SV2B: variants seen among roughly 807,000 people sequenced by gnomAD.
SV2B encodes synaptic vesicle glycoprotein 2B.
In SV2B, 41 loss-of-function variants were observed where a neutral mutation model predicts 73.9. The observed-to-expected ratio is 0.56, with a 90% CI of 0.43 to 0.72. The LOEUF (loss-of-function observed/expected upper bound fraction) is 0.72. Among genes scored for constraint, SV2B ranks in the 30% least tolerant of loss-of-function variants. The pLI, the probability that SV2B is intolerant of heterozygous loss-of-function variation, is 0.00. For synonymous variants in SV2B, 314 were observed against 314.2 expected, an observed-to-expected ratio of 1.00 and a Z score of 0.01; for missense variants, 764 against 857.8, an observed-to-expected ratio of 0.89 and a Z score of 1.37.
At chr15:91,180,782 T>G (rs1273042446) in intron 1 of SV2B, among the ~76,000 whole-genome samples, 1 of 152,212 alleles carries the variant, frequency 6.6e-6, no homozygotes, top group Non-Finnish European at 1.5e-5. Flanking sequence ...GTGATTCTAG[T>G]TATACATTCA....
In SV2B at chr15:91,280,195, T is replaced by A. The variant is rs2048640824; in HGVS notation, c.1374-1533T>A. ...GGGTCTTTTAGCAGAAGCTAATGAT[T>A]GGCAGCTCTAGATTAAGGTTCTGAG... On this transcript the variant is annotated intron_variant, in intron 9 of 12. Transcript: ENST00000394232. The surrounding 1 kb of genome is among the most constrained non-coding windows in gnomAD (Gnocchi z 5.8). Among the ~76,000 whole-genome samples the A allele has an allele frequency of 6.6e-6, 1 of 152,166 alleles. No homozygotes were observed. Among genetic ancestry groups the A allele is most frequent in the African/African-American group, 2.4e-5 (1 of 41,446 alleles).
At position 91,136,064 on chromosome 15, in the gene SV2B, A is replaced by T. The variant is rs2042814300; in HGVS notation, c.-392+35701A>T. 6.6e-6 allele frequency among the ~76,000 whole-genome samples: 1 copy of T among 152,136 alleles called. No individual in the cohort carries two copies. Among genetic ancestry groups the T allele is most frequent in the East Asian group, 1.9e-4 (1 of 5,202 alleles). ...ATATGAAAATAATATAAAGTTAGAT[A>T]TGAAGATAATATAAACCATAACATT... On this transcript the variant is annotated intron_variant, in intron 1 of 12. Coordinates refer to ENST00000394232, the MANE Select transcript of SV2B (RefSeq NM_001323032.3). This position sits in a 1 kb window ranked among gnomAD's most constrained non-coding sequence, Gnocchi z 5.6.
chr15:91,136,875 T>C lies in SV2B; in HGVS notation c.-392+36512T>C, dbSNP rs1444991924. On this transcript the variant is annotated intron_variant, in intron 1 of 12. Coordinates refer to ENST00000394232, the MANE Select transcript of SV2B (RefSeq NM_001323032.3). This position sits in a 1 kb window ranked among gnomAD's most constrained non-coding sequence, Gnocchi z 5.6. ...GCTTTGGCAGGAGAAGCAAGAGGGC[T>C]CTGGGTAGCCAGCTTATTCCTGCTC... Among the ~76,000 whole-genome samples the C allele has an allele frequency of 6.6e-6, 1 of 152,158 alleles. No individual in the cohort carries two copies. Among genetic ancestry groups the C allele is most frequent in the Non-Finnish European group, 1.5e-5 (1 of 68,030 alleles).
chr15:91,147,060 A>T lies in SV2B; in HGVS notation c.-392+46697A>T, dbSNP rs77479153. Among the ~76,000 whole-genome samples the T allele has an allele frequency of 9.7e-3, 1,484 of 152,338 alleles. 24 individuals are homozygous for T. Among genetic ancestry groups the T allele is most frequent in the African/African-American group, 0.032 (1,349 of 41,568 alleles). On this transcript the variant is annotated intron_variant, in intron 1 of 12. Coordinates refer to ENST00000394232, the MANE Select transcript of SV2B (RefSeq NM_001323032.3). The stretch of plus-strand genomic sequence containing the variant: ...TAGACTAAGATCCTTGAGAGCAGAG[A>T]TGATGTCTTATTTATGTCTCCAGTG...
intron 1 of SV2B, among the ~76,000 whole-genome samples, chr15:91,169,947 T>C (rs2044062291): frequency 2.0e-5 from 3 of 152,164 alleles, no homozygotes. Flanking sequence ...GCAAAAGCAA[T>C]GTTTAAAATT....
chr15:91,247,555 A>G (rs1449759339), intron 2 of SV2B, among the ~76,000 whole-genome samples: 1 of 152,194 alleles, frequency 6.6e-6, no homozygotes, highest in Non-Finnish European at 1.5e-5. Context: ...TAGAATCTTG[A>G]AAAGGGGTTC....
At chr15:91,244,810 T>G (rs913081257) in intron 2 of SV2B, among the ~76,000 whole-genome samples, 9 of 152,250 alleles carry the variant, frequency 5.9e-5, no homozygotes, top group Admixed American at 1.3e-4. Flanking sequence ...CAGGAATTAC[T>G]TTTTAGAGAT....
chr15:91,152,534 A>G (rs543088806), intron 1 of SV2B, among the ~76,000 whole-genome samples: 2 of 152,352 alleles, frequency 1.3e-5, no homozygotes, highest in South Asian at 2.1e-4. Flanking sequence ...GATGCATTAC[A>G]AAGTAAAGCT....
chr15:91,147,011 G>A (rs1018685606), intron 1 of SV2B, among the ~76,000 whole-genome samples: 4 of 152,314 alleles, frequency 2.6e-5, no homozygotes, highest in East Asian at 3.9e-4. Flanking sequence ...GAGCCTACAC[G>A]TTGGCTGTAA....
chr15:91,301,330 T>C lies in SV2B; in HGVS notation c.*8778T>C, dbSNP rs947213875. The C allele has an allele frequency of 1.3e-5, 2 of 152,244 alleles. No individual in the cohort carries two copies. Among genetic ancestry groups the C allele is most frequent in the African/African-American group, 4.8e-5 (2 of 41,468 alleles). The allele number at this position is 152,244 out of a possible 1,614,324, so 9.4% of individuals were successfully genotyped here. A position where few individuals can be genotyped will look rare whatever the true frequency, so the allele number is the denominator to read the frequency against. On this transcript the variant is annotated 3_prime_UTR_variant, in exon 13 of 13. Coordinates refer to ENST00000394232, the MANE Select transcript of SV2B (RefSeq NM_001323032.3). This position sits in a 1 kb window ranked among gnomAD's most constrained non-coding sequence, Gnocchi z 4.3. ...ACCCACTTTTGGTCTCTCTTCATAT[T>C]TTTCGTGGTTTCATTTATCTCTCCC... is the stretch of plus-strand genomic sequence containing the variant.
chr15:91,204,613 G>T, intron 1 of SV2B, among the ~76,000 whole-genome samples: 1 of 141,718 alleles, frequency 7.1e-6, no homozygotes. Context: ...CTAGAGCATA[G>T]TGGCTCGGTC....
At chr15:91,158,701 C>CT (rs1451789525) in intron 1 of SV2B, among the ~76,000 whole-genome samples, 105 of 59,536 alleles carry the variant, frequency 1.8e-3, no homozygotes, top group Non-Finnish European at 1.3e-3. Context: ...CTTCTCTTCT[C>CT]TCCTCTCCTC....
intron 1 of SV2B, among the ~76,000 whole-genome samples, chr15:91,167,660 C>T (rs1460224280): frequency 6.6e-6 from 1 of 152,148 alleles, no homozygotes; most frequent in Non-Finnish European, 1.5e-5. Context: ...GGAAATCTGC[C>T]CATCTCAACA....
At chr15:91,286,424 A>T (rs1196380971) in intron 11 of SV2B, among the ~76,000 whole-genome samples, 2 of 152,072 alleles carry the variant, frequency 1.3e-5, no homozygotes. Context: ...GCTGCTACCC[A>T]CTCATTTATT....
In SV2B at chr15:91,289,474, A is replaced by G. The variant is rs148019874; in HGVS notation, c.1709-47A>G. On this transcript the variant is annotated intron_variant, in intron 11 of 12. Transcript: ENST00000394232. The surrounding 1 kb of genome is among the most constrained non-coding windows in gnomAD (Gnocchi z 4.9). Reference sequence around the variant, plus strand: ...AGAACTGTGAGTGACAGCCATGTGCAAGACACAGGCCTCATGTTTCTTTTT... The same window carrying G: ...AGAACTGTGAGTGACAGCCATGTGCGAGACACAGGCCTCATGTTTCTTTTT... 6.2e-7 allele frequency: 1 copy of G among 1,612,876 alleles called. No homozygotes were observed. The highest frequency in any genetic ancestry group is 2.2e-5 in the East Asian group (1 of 44,872).
intron 1 of SV2B, among the ~76,000 whole-genome samples, chr15:91,107,550 A>G (rs1466960941): frequency 6.6e-6 from 1 of 151,942 alleles, no homozygotes; most frequent in African/African-American, 2.4e-5. Context: ...TTACCTTGTT[A>G]TCTGCCCGCC....
Position 91,267,061 on chromosome 15 carries a change from A to G in SV2B, c.1119+369A>G, listed in dbSNP as rs2048130472. On this transcript the variant is annotated intron_variant, in intron 7 of 12. Transcript: ENST00000394232. This position sits in a 1 kb window ranked among gnomAD's most constrained non-coding sequence, Gnocchi z 4.3. ...CCCTTGAGGCTTGTTCTTGATTTCC[A>G]AGAAACATTTTTCTAAAAGGGCAAT... 1 of 187,340 alleles carries G rather than the reference A, an allele frequency of 5.3e-6. No homozygotes were observed. Among genetic ancestry groups the G allele is most frequent in the Non-Finnish European group, 1.1e-5 (1 of 91,016 alleles). The allele number at this position is 187,340 out of a possible 1,614,324, so 11.6% of individuals were successfully genotyped here.
intron 1 of SV2B, among the ~76,000 whole-genome samples, chr15:91,164,489 C>A (rs898469493): frequency 2.6e-5 from 4 of 152,054 alleles, no homozygotes; most frequent in Non-Finnish European, 5.9e-5. Flanking sequence ...TGTCTCTGAC[C>A]TCTACACCCA....
chr15:91,284,241 A>G lies in SV2B; in HGVS notation c.1708+20A>G. 1 of 1,613,722 alleles carries G rather than the reference A, an allele frequency of 6.2e-7. No homozygotes were observed. Among genetic ancestry groups the G allele is most frequent in the Middle Eastern group, 1.7e-4 (1 of 6,058 alleles). ...TGATTGGTGAGTTGCCAGCAGGGTC[A>G]TTCCTGGGTTCCAACGCGCTGGGGT... On this transcript the variant is annotated intron_variant, in intron 11 of 12. Transcript: ENST00000394232. This position sits in a 1 kb window ranked among gnomAD's most constrained non-coding sequence, Gnocchi z 4.5.
Sources: allele counts gnomAD v4.1 joint callset (sites outside exome capture counted in the v4.1 genomes callset), GRCh38; gene constraint gnomAD v4.1.1; non-coding constraint Gnocchi (gnomAD v3.1); transcripts MANE v1.5; gene names NCBI Gene and HGNC (gene_info 2026-07-23, HGNC 2026-07-21).